The following NDST3 variants were observed in gnomAD, a reference collection of about 807,000 sequenced individuals.
The protein encoded by NDST3 is N-deacetylase and N-sulfotransferase 3.
In NDST3, 58 loss-of-function variants were observed where a neutral mutation model predicts 96.1. The ratio of observed to expected loss-of-function variants is 0.60; its 90% CI spans 0.49 to 0.75. NDST3 has a LOEUF of 0.75. Among genes scored for constraint, NDST3 ranks in the 30% least tolerant of loss-of-function variants. The pLI, the probability that NDST3 is intolerant of heterozygous loss-of-function variation, is 0.00. For missense variants in NDST3, 788 were observed against 1,034.2 expected, an observed-to-expected ratio of 0.76 and a Z score of 3.27; for synonymous variants, 333 against 359.7, an observed-to-expected ratio of 0.93 and a Z score of 0.84.
intron 2 of NDST3, among the ~76,000 whole-genome samples, chr4:118,077,732 C>T (rs964832860): frequency 5.9e-5 from 9 of 152,202 alleles, no homozygotes; most frequent in African/African-American, 2.2e-4. Context: ...TGCTTGGGCA[C>T]CACCCAAGCC....
chr4:118,044,320 A>G (rs1165034206), intron 1 of NDST3, among the ~76,000 whole-genome samples: 2 of 152,234 alleles, frequency 1.3e-5, no homozygotes, highest in Non-Finnish European at 2.9e-5. Context: ...TCAAAATGAA[A>G]TAACTATAAT....
chr4:118,252,424 G>T (rs1741805594), intron 12 of NDST3, among the ~76,000 whole-genome samples: 1 of 152,144 alleles, frequency 6.6e-6, no homozygotes, highest in Admixed American at 6.5e-5. Context: ...CTTGGCAAAT[G>T]TTTACAAGAG....
intron 6 of NDST3, among the ~76,000 whole-genome samples, chr4:118,202,557 A>G (rs1738160087): frequency 6.6e-6 from 1 of 151,936 alleles, no homozygotes; most frequent in Non-Finnish European, 1.5e-5. Flanking sequence ...ATTCCTAGAT[A>G]TTTCATTTTC....
At position 118,258,622 on chromosome 4, in the gene NDST3, A is replaced by G. The variant is rs1371286720; in HGVS notation, c.*2910A>G. 1 of 152,142 alleles carries G rather than the reference A, an allele frequency of 6.6e-6. No individual in the cohort carries two copies. Among genetic ancestry groups the G allele is most frequent in the Non-Finnish European group, 1.5e-5 (1 of 68,012 alleles). 9.4% of individuals were successfully genotyped at this position (152,142 alleles called of 1,614,324 possible). A position where few individuals can be genotyped will look rare whatever the true frequency, so the allele number is the denominator to read the frequency against. Reference sequence around the variant, plus strand: ...ACCTCATATGTACAACAATAAACTGATAGGAAAATGAAGAGTTTGGACCTG... The same window carrying G: ...ACCTCATATGTACAACAATAAACTGGTAGGAAAATGAAGAGTTTGGACCTG... On this transcript the variant is annotated 3_prime_UTR_variant, in exon 14 of 14. Transcript: ENST00000296499.
chr4:118,227,188 A>T (rs1483655242), intron 8 of NDST3, among the ~76,000 whole-genome samples: 1 of 151,676 alleles, frequency 6.6e-6, no homozygotes, highest in African/African-American at 2.4e-5. Flanking sequence ...AACAGATGTC[A>T]CACTGTTCAA....
At chr4:118,066,166 T>A (rs559885534) in intron 2 of NDST3, among the ~76,000 whole-genome samples, 786 of 20,196 alleles carry the variant, frequency 0.039, 65 homozygotes, top group South Asian at 0.057. Context: ...ATATTATATA[T>A]TATATTTTAT....
rs2389505 is a variant in NDST3, at chr4:118,062,650, C to T, written c.981+7759C>T. The stretch of plus-strand genomic sequence containing the variant: ...GAAATAATTTTATAATTTAACATGG[C>T]GAAATCATAAAATAGATTAGCAAAG... On this transcript the variant is annotated intron_variant, in intron 2 of 13. Transcript: ENST00000296499. Among the ~76,000 whole-genome samples the T allele has an allele frequency of 2.6e-5, 4 of 152,078 alleles. No homozygotes were observed. In the East Asian group the frequency reaches 7.7e-4, roughly 29 times the overall value.
At chr4:118,050,371 C>G (rs1725008339) in intron 1 of NDST3, among the ~76,000 whole-genome samples, 1 of 151,906 alleles carries the variant, frequency 6.6e-6, no homozygotes, top group South Asian at 2.1e-4. Context: ...GAAGTCCTAG[C>G]CAGAGCAATC....
intron 3 of NDST3, among the ~76,000 whole-genome samples, chr4:118,108,291 G>T (rs1730367047): frequency 6.6e-6 from 1 of 152,168 alleles, no homozygotes; most frequent in Non-Finnish European, 1.5e-5. Flanking sequence ...GAGATGAAAA[G>T]AAGAGTTACT....
chr4:118,081,625 C>A (rs1462061678), intron 2 of NDST3, among the ~76,000 whole-genome samples: 1 of 152,056 alleles, frequency 6.6e-6, no homozygotes, highest in East Asian at 1.9e-4. Flanking sequence ...CTGTTATGGG[C>A]TCATTATTTC....
intron 6 of NDST3, among the ~76,000 whole-genome samples, chr4:118,163,495 G>A (rs11941062): frequency 0.063 from 9,520 of 151,158 alleles, 377 homozygotes; most frequent in African/African-American, 0.17. Flanking sequence ...GTAAACTATC[G>A]CAAGAACAAA....
rs1216720328 is a variant in NDST3, at chr4:118,042,290, G to GT, written c.-156+7706dup. Among the ~76,000 whole-genome samples, 16 of 151,980 alleles carry GT rather than the reference G, an allele frequency of 1.1e-4. No homozygotes were observed. The East Asian group carries it at 3.1e-3, about 29-fold the overall frequency. The stretch of plus-strand genomic sequence containing the variant: ...CCAACCATAATTTAACAGTAAGCAT[G>GT]TTTTTTTTCTTCTTTCTTCCCAAAT... On this transcript the variant is annotated intron_variant, in intron 1 of 13. Transcript: ENST00000296499.
At chr4:118,150,868 C>G (rs908720119) in intron 6 of NDST3, among the ~76,000 whole-genome samples, 40 of 151,984 alleles carry the variant, frequency 2.6e-4, no homozygotes, top group African/African-American at 9.4e-4. Context: ...ACCATTTGAC[C>G]CAGCCATCCC....
At chr4:118,066,127 T>A (rs1185864317) in intron 2 of NDST3, among the ~76,000 whole-genome samples, 1 of 52,976 alleles carries the variant, frequency 1.9e-5, no homozygotes, top group African/African-American at 5.6e-5. Flanking sequence ...ATATTATATA[T>A]ATTATATAAT....
chr4:118,089,995 G>C (rs1728735690), intron 2 of NDST3, among the ~76,000 whole-genome samples: 1 of 151,768 alleles, frequency 6.6e-6, no homozygotes, highest in Non-Finnish European at 1.5e-5. Context: ...AGGCACAAAG[G>C]GTTAGAGTGC....
At chr4:118,193,692 G>A (rs1282538947) in intron 6 of NDST3, 18 of 1,310,938 alleles carry the variant, frequency 1.4e-5, no homozygotes, top group Non-Finnish European at 2.0e-5. Flanking sequence ...TTCACAGCCA[G>A]GTGGGCCTCT....
At chr4:118,233,413 C>T (rs1277151817) in intron 9 of NDST3, among the ~76,000 whole-genome samples, 3 of 151,962 alleles carry the variant, frequency 2.0e-5, no homozygotes, top group Non-Finnish European at 4.4e-5. Flanking sequence ...AGAAGAATAG[C>T]ATAATATTCA....
chr4:118,194,232 C>G (rs1443708771), intron 6 of NDST3: 1 of 727,024 alleles, frequency 1.4e-6, no homozygotes, highest in Non-Finnish European at 2.5e-6. Context: ...TAGCACCCTT[C>G]CAGTGCAATC....
chr4:118,080,391 A>G (rs1727913775), intron 2 of NDST3, among the ~76,000 whole-genome samples: 1 of 152,148 alleles, frequency 6.6e-6, no homozygotes, highest in Non-Finnish European at 1.5e-5. Context: ...ACTGGATAAA[A>G]TCATCTGGGA....
Sources: gnomAD v4.1 joint callset for allele counts (sites outside exome capture counted in the v4.1 genomes callset) on GRCh38, gnomAD v4.1.1 for gene constraint, MANE v1.5 for transcripts, NCBI Gene and HGNC (gene_info 2026-07-23, HGNC 2026-07-21) for gene names.